VCL: variants seen among roughly 807,000 people sequenced by gnomAD.
VCL encodes the protein epididymis luminal protein 114.
VCL carries 47 observed loss-of-function variants against 125.7 expected under a neutral mutation model. The ratio of observed to expected loss-of-function variants is 0.37; its 90% confidence interval spans 0.30 to 0.48. VCL has a LOEUF of 0.48. Among genes scored for constraint, VCL ranks in the 20% least tolerant of loss-of-function variants. VCL has a pLI of 0.99. For missense variants in VCL, 1,069 were observed against 1,455.5 expected (o/e 0.73, Z 4.32); for synonymous variants, 458 against 514.6 (o/e 0.89, Z 1.49).
intron 2 of VCL, among the ~76,000 whole-genome samples, chr10:74,064,687 C>G (rs189527552): frequency 4.9e-4 from 75 of 152,270 alleles, no homozygotes; most frequent in African/African-American, 1.8e-3. Context: ...GGATTACAGG[C>G]ATGAGCCACT....
At chr10:74,042,406 G>T (rs1241709695) in intron 1 of VCL, among the ~76,000 whole-genome samples, 2 of 152,104 alleles carry the variant, frequency 1.3e-5, no homozygotes, top group African/African-American at 4.8e-5. Context: ...GAATTCCCAG[G>T]TATGACTTTT....
intron 15 of VCL, chr10:74,104,801 A>G: frequency 1.9e-6 from 1 of 524,716 alleles, no homozygotes; most frequent in Non-Finnish European, 3.4e-6. Flanking sequence ...TCTGGGGTGG[A>G]TACAAGAAGG....
At chr10:74,011,291 T>C (rs1269896317) in intron 1 of VCL, among the ~76,000 whole-genome samples, 2 of 151,726 alleles carry the variant, frequency 1.3e-5, no homozygotes, top group Non-Finnish European at 2.9e-5. Flanking sequence ...GGAACTTGTA[T>C]AATTAGACGT....
intron 1 of VCL, among the ~76,000 whole-genome samples, chr10:74,016,192 T>C (rs1451484320): frequency 6.6e-6 from 1 of 152,162 alleles, no homozygotes; most frequent in Non-Finnish European, 1.5e-5. Context: ...TCTGCTTCAG[T>C]TTTGATAGTC....
At chr10:74,000,539 C>T (rs570094274) in intron 1 of VCL, among the ~76,000 whole-genome samples, 9 of 152,232 alleles carry the variant, frequency 5.9e-5, no homozygotes, top group South Asian at 2.1e-4. Flanking sequence ...CTTAGCCTCC[C>T]GAGTAGCTGG....
chr10:74,000,607 G>A (rs1051361052), intron 1 of VCL, among the ~76,000 whole-genome samples: 16 of 152,048 alleles, frequency 1.1e-4, no homozygotes, highest in African/African-American at 3.9e-4. Context: ...TAGAGGCGGG[G>A]TTTCACCATG....
At chr10:74,016,553 C>T (rs1449653674) in intron 1 of VCL, among the ~76,000 whole-genome samples, 1 of 151,972 alleles carries the variant, frequency 6.6e-6, no homozygotes, top group East Asian at 1.9e-4. Context: ...TGCCACTGCC[C>T]TCTAGCCTGG....
rs1840115634 is a variant in VCL, at chr10:74,105,362, T to C, written c.2434+9T>C. ...AAACATTTCCGACCCTGGTAAGCAA[T>C]GCATGGCACTATGTCTCACCTCCAC... On this transcript the variant is annotated intron_variant, in intron 16 of 21. Coordinates refer to ENST00000211998, the MANE Select transcript of VCL (RefSeq NM_014000.3). The C allele has an allele frequency of 1.2e-6, 2 of 1,611,932 alleles. No individual in the cohort carries two copies. The highest frequency in any genetic ancestry group is 1.7e-6 in the Non-Finnish European group (2 of 1,179,902).
At chr10:74,096,464 T>G (rs1839971266) in intron 12 of VCL, among the ~76,000 whole-genome samples, 3 of 152,192 alleles carry the variant, frequency 2.0e-5, no homozygotes, top group African/African-American at 7.2e-5. Flanking sequence ...ACATAATTAT[T>G]AAAATAAAAA....
At chr10:74,107,110 G>C (rs772042667) in intron 16 of VCL, 120 bp from the exon 17 acceptor site, 17 of 1,537,940 alleles carry the variant, frequency 1.1e-5, no homozygotes, top group Non-Finnish European at 1.4e-5. Flanking sequence ...ATCACTGCCC[G>C]TGATATTTAC....
intron 10 of VCL, among the ~76,000 whole-genome samples, chr10:74,091,704 G>A (rs1350087438): frequency 7.1e-6 from 1 of 140,262 alleles, no homozygotes; most frequent in Non-Finnish European, 1.5e-5. Context: ...CAAGAGAATA[G>A]CTTGAACCCA....
intron 2 of VCL, among the ~76,000 whole-genome samples, chr10:74,047,745 T>C (rs1234839003): frequency 1.3e-5 from 2 of 152,210 alleles, no homozygotes; most frequent in Non-Finnish European, 2.9e-5. Flanking sequence ...AAAGATATGA[T>C]ACTTTTAGGA....
At position 74,105,071 on chromosome 10, in the gene VCL, G is replaced by A; in HGVS notation, c.2152G>A (p.Asp718Asn). 6.2e-7 allele frequency: 1 copy of A among 1,614,164 alleles called. No individual in the cohort carries two copies. Among genetic ancestry groups the A allele is most frequent in the East Asian group, 2.2e-5 (1 of 44,884 alleles). Residue 718 changes from aspartate (D) to asparagine (N), a missense_variant, in exon 16 of 22, where the codon GAT becomes AAT. Asp to Asn is a conservative substitution (Grantham distance 23). Coordinates refer to ENST00000211998, the MANE Select transcript of VCL (RefSeq NM_014000.3). ...KMTGLVDEAI[D>N]TKSLLDASEE... is the part of the protein sequence containing the mutation. ...AACAGGGCTGGTGGACGAAGCCATTGATACCAAATCTCTGTTGGATGCTTC... is the reference window on the plus strand; with the variant it reads ...AACAGGGCTGGTGGACGAAGCCATTAATACCAAATCTCTGTTGGATGCTTC...
chr10:74,064,935 C>A (rs186880928), intron 2 of VCL, among the ~76,000 whole-genome samples: 1 of 152,000 alleles, frequency 6.6e-6, no homozygotes, highest in Non-Finnish European at 1.5e-5. Context: ...GTCCTTTATA[C>A]GTAGAAGTAT....
At chr10:74,000,094 T>C (rs1276384206) in intron 1 of VCL, among the ~76,000 whole-genome samples, 1 of 152,184 alleles carries the variant, frequency 6.6e-6, no homozygotes, top group Non-Finnish European at 1.5e-5. Context: ...AAAAGTTATT[T>C]ATGGGCTTCC....
chr10:74,106,934 G>T (rs1269768446), intron 16 of VCL, among the ~76,000 whole-genome samples: 1 of 152,174 alleles, frequency 6.6e-6, no homozygotes, highest in Non-Finnish European at 1.5e-5. Flanking sequence ...AGAGGTGATG[G>T]ATGCCACCTG....
chr10:74,003,508 A>T (rs149942684), intron 1 of VCL, among the ~76,000 whole-genome samples: 18 of 152,314 alleles, frequency 1.2e-4, no homozygotes, highest in African/African-American at 3.4e-4. Context: ...CAGTTTTGTT[A>T]ATGGGGCTTC....
intron 8 of VCL, among the ~76,000 whole-genome samples, chr10:74,088,797 A>G (rs1387650325): frequency 6.6e-6 from 1 of 152,222 alleles, no homozygotes; most frequent in Non-Finnish European, 1.5e-5. Flanking sequence ...ATACTTGCCC[A>G]TAAGAAGACA....
At chr10:74,017,239 G>A (rs887430392) in intron 1 of VCL, among the ~76,000 whole-genome samples, 121 of 150,942 alleles carry the variant, frequency 8.0e-4, no homozygotes, top group Middle Eastern at 3.4e-3. Flanking sequence ...AGTAGAGACG[G>A]GGTTTCACCG....
Sources: allele counts gnomAD v4.1 joint callset (sites outside exome capture counted in the v4.1 genomes callset), GRCh38; gene constraint gnomAD v4.1.1; transcripts MANE v1.5; gene names NCBI Gene and HGNC (gene_info 2026-07-23, HGNC 2026-07-21).